The following CPE variants were observed in gnomAD, a reference collection of about 807,000 sequenced individuals.
CPE encodes the protein carbocypeptidase E.
A neutral mutation model predicts 53.5 loss-of-function variants in CPE; 17 were observed. The observed-to-expected ratio is 0.32, with a 90% confidence interval of 0.22 to 0.48. The LOEUF (loss-of-function observed/expected upper bound fraction) is 0.48. CPE is among the 20% of genes least tolerant of loss of function. The pLI is 0.99. For synonymous variants in CPE, 226 were observed against 228.8 expected, an observed-to-expected ratio of 0.99 and a Z score of 0.11; for missense variants, 524 against 614.7, an observed-to-expected ratio of 0.85 and a Z score of 1.56.
intron 1 of CPE, among the ~76,000 whole-genome samples, chr4:165,420,913 T>C (rs545033784): frequency 2.3e-4 from 35 of 152,340 alleles, no homozygotes; most frequent in Non-Finnish European, 7.3e-5. Context: ...ACATTTCTAC[T>C]TTCTGACATT....
intron 3 of CPE, among the ~76,000 whole-genome samples, chr4:165,477,315 A>G (rs934085524): frequency 6.6e-6 from 1 of 152,254 alleles, no homozygotes; most frequent in African/African-American, 2.4e-5. Context: ...AAACAAACTC[A>G]GTGTGACTTC....
chr4:165,399,902 A>C (rs1730838486), intron 1 of CPE, among the ~76,000 whole-genome samples: 1 of 152,164 alleles, frequency 6.6e-6, no homozygotes. Context: ...AGCAATCATC[A>C]GTGTTATAAT....
intron 1 of CPE, among the ~76,000 whole-genome samples, chr4:165,459,681 GGGC>G (rs1256008116): frequency 1.2e-4 from 15 of 128,802 alleles, no homozygotes; most frequent in East Asian, 7.9e-4. Flanking sequence ...GGGTGGGGGG[GGGC>G]GGGGCAGATC....
intron 3 of CPE, among the ~76,000 whole-genome samples, chr4:165,470,619 A>G (rs1732188155): frequency 1.3e-5 from 2 of 152,150 alleles, no homozygotes; most frequent in African/African-American, 4.8e-5. Flanking sequence ...TTACAGAGGC[A>G]GTTTAACAAC....
At chr4:165,437,474 G>A (rs1731527064) in intron 1 of CPE, among the ~76,000 whole-genome samples, 1 of 152,116 alleles carries the variant, frequency 6.6e-6, no homozygotes, top group Non-Finnish European at 1.5e-5. Context: ...GTTGAAAGGG[G>A]ATTAAAGTGA....
chr4:165,409,227 G>T (rs1266299298), intron 1 of CPE, among the ~76,000 whole-genome samples: 1 of 152,070 alleles, frequency 6.6e-6, no homozygotes, highest in African/African-American at 2.4e-5. Context: ...TTTCACCCAC[G>T]CAGTCTCCCT....
intron 1 of CPE, among the ~76,000 whole-genome samples, chr4:165,416,604 G>A (rs1305269763): frequency 2.6e-5 from 4 of 151,644 alleles, no homozygotes; most frequent in Admixed American, 6.6e-5. Context: ...TGCACATGCC[G>A]TTTCCTCTGC....
chr4:165,396,393 C>T (rs747990907), intron 1 of CPE, among the ~76,000 whole-genome samples: 2 of 152,174 alleles, frequency 1.3e-5, no homozygotes, highest in Non-Finnish European at 2.9e-5. Flanking sequence ...CATGGTGGCT[C>T]ACACCTGTAA....
intron 1 of CPE, among the ~76,000 whole-genome samples, chr4:165,458,595 C>T (rs1731943206): frequency 6.6e-6 from 1 of 151,726 alleles, no homozygotes. Flanking sequence ...ACTTTTTTTC[C>T]CTCTAAATAA....
chr4:165,429,438 C>T (rs1560879566), intron 1 of CPE, among the ~76,000 whole-genome samples: 1 of 152,152 alleles, frequency 6.6e-6, no homozygotes, highest in Non-Finnish European at 1.5e-5. Context: ...TGCGGTGGCT[C>T]ACACCTGTAA....
At chr4:165,437,995 A>G (rs765990624) in intron 1 of CPE, among the ~76,000 whole-genome samples, 3 of 152,326 alleles carry the variant, frequency 2.0e-5, no homozygotes, top group Admixed American at 1.3e-4. Flanking sequence ...GGCACTCAAC[A>G]TAAGTTGCCT....
In CPE at chr4:165,438,273, C is replaced by T. The variant is rs556977143; in HGVS notation, c.308-26117C>T. ...AGGGAATGAGTATGAGCAATATTGG[C>T]GAAGTTTGATAAATGGAGTTATGTG... On this transcript the variant is annotated intron_variant, in intron 1 of 8. Transcript: ENST00000402744. Among the ~76,000 whole-genome samples, 18 of 151,986 alleles carry T rather than the reference C, an allele frequency of 1.2e-4. No individual in the cohort carries two copies. The South Asian group carries it at 2.7e-3, about 23-fold the overall frequency.
intron 3 of CPE, among the ~76,000 whole-genome samples, chr4:165,468,957 A>T (rs2126703483): frequency 6.6e-6 from 1 of 152,324 alleles, no homozygotes; most frequent in Non-Finnish European, 1.5e-5. Context: ...TGAACTTTGT[A>T]AAGTTATTTG....
chr4:165,456,232 T>A (rs1035781126), intron 1 of CPE, among the ~76,000 whole-genome samples: 4 of 152,152 alleles, frequency 2.6e-5, no homozygotes, highest in African/African-American at 7.2e-5. Flanking sequence ...GTAAATTTTC[T>A]TCATTGATTT....
intron 1 of CPE, among the ~76,000 whole-genome samples, chr4:165,416,376 C>T (rs1731122901): frequency 6.6e-6 from 1 of 152,100 alleles, no homozygotes; most frequent in Non-Finnish European, 1.5e-5. Context: ...GCACTGCTCC[C>T]CTTAATGCTC....
chr4:165,417,170 A>G (rs1228661566), intron 1 of CPE, among the ~76,000 whole-genome samples: 1 of 152,160 alleles, frequency 6.6e-6, no homozygotes, highest in Non-Finnish European at 1.5e-5. Context: ...GGGTGGAGGA[A>G]TGGCAACAGA....
At chr4:165,389,227 G>A (rs986083645) in intron 1 of CPE, among the ~76,000 whole-genome samples, 5 of 152,138 alleles carry the variant, frequency 3.3e-5, no homozygotes, top group African/African-American at 1.2e-4. Context: ...TTTAGGGTTC[G>A]ATGATGGCAA....
chr4:165,494,842 A>G lies in CPE; in HGVS notation c.1214-717A>G, dbSNP rs545908312. Among the ~76,000 whole-genome samples, 6 of 152,336 alleles carry G rather than the reference A, an allele frequency of 3.9e-5. No homozygotes were observed. In the East Asian group the frequency reaches 1.2e-3, roughly 29 times the overall value. ...TTGCAATGAAATAAGATGTAAAGTAACAACTGGGAGGTTGAACAGGATGTG... is the reference window on the plus strand; with the variant it reads ...TTGCAATGAAATAAGATGTAAAGTAGCAACTGGGAGGTTGAACAGGATGTG... On this transcript the variant is annotated intron_variant, in intron 7 of 8. Transcript: ENST00000402744.
chr4:165,379,721 C>T lies in CPE; in HGVS notation c.307+193C>T, dbSNP rs1730471803. On this transcript the variant is annotated intron_variant, in intron 1 of 8. Coordinates refer to ENST00000402744, the MANE Select transcript of CPE (RefSeq NM_001873.4). This position sits in a 1 kb window ranked among gnomAD's most constrained non-coding sequence, Gnocchi z 6.0. Reference sequence around the variant, plus strand: ...AGAACCCGACTTAGAGCGCCAGTGGCCCAATTTCTGCTTTCCCGTCCCATC... The same window carrying T: ...AGAACCCGACTTAGAGCGCCAGTGGTCCAATTTCTGCTTTCCCGTCCCATC... Among the ~76,000 whole-genome samples the T allele has an allele frequency of 6.6e-6, 1 of 152,138 alleles. No homozygotes were observed. Among genetic ancestry groups the T allele is most frequent in the Admixed American group, 6.5e-5 (1 of 15,284 alleles).
Sources: gnomAD v4.1 joint callset for allele counts (sites outside exome capture counted in the v4.1 genomes callset) on GRCh38, gnomAD v4.1.1 for gene constraint, Gnocchi (gnomAD v3.1) non-coding constraint, MANE v1.5 for transcripts, NCBI Gene and HGNC (gene_info 2026-07-23, HGNC 2026-07-21) for gene names.